RNF24: variants seen among roughly 807,000 people sequenced by gnomAD.
RNF24 encodes the protein ring finger protein 24.
In RNF24, 14 loss-of-function variants were observed where a neutral mutation model predicts 20.0. The ratio of observed to expected loss-of-function variants is 0.70; its 90% CI spans 0.46 to 1.10. The LOEUF is 1.10. Among genes scored for constraint, RNF24 ranks in the 50% least tolerant of loss-of-function variants. RNF24 has a pLI of 0.00. For synonymous variants in RNF24, 45 were observed against 61.1 expected, an observed-to-expected ratio of 0.74 and a Z score of 1.23; for missense variants, 124 against 177.6, an observed-to-expected ratio of 0.70 and a Z score of 1.71.
At chr20:3,937,522 T>C (rs1258091068) in intron 4 of RNF24, among the ~76,000 whole-genome samples, 1 of 152,156 alleles carries the variant, frequency 6.6e-6, no homozygotes, top group Non-Finnish European at 1.5e-5. Flanking sequence ...GCAGCCATCT[T>C]TACAATCTAA....
chr20:3,980,078 G>C (rs1407621818), intron 1 of RNF24, among the ~76,000 whole-genome samples: 1 of 152,124 alleles, frequency 6.6e-6, no homozygotes, highest in African/African-American at 2.4e-5. Context: ...TTCTTATGCA[G>C]AGATTTAAAA....
intron 1 of RNF24, among the ~76,000 whole-genome samples, chr20:3,994,009 C>T (rs911900656): frequency 1.3e-5 from 2 of 152,128 alleles, no homozygotes; most frequent in African/African-American, 4.8e-5. Context: ...ACCAGCTTTC[C>T]CACTAATATT....
At chr20:3,991,208 G>A (rs1980404769) in intron 1 of RNF24, among the ~76,000 whole-genome samples, 1 of 150,768 alleles carries the variant, frequency 6.6e-6, no homozygotes, top group Admixed American at 6.6e-5. Context: ...AAATGGAATT[G>A]GAAGAAGCTA....
At chr20:4,011,998 ATATAT>A (rs1982495271) in intron 1 of RNF24, among the ~76,000 whole-genome samples, 1 of 152,248 alleles carries the variant, frequency 6.6e-6, no homozygotes, top group South Asian at 2.1e-4. Context: ...TAACTATATA[ATATAT>A]AAGACTGCTG....
intron 1 of RNF24, among the ~76,000 whole-genome samples, chr20:3,967,973 C>CAAAA (rs58984163): frequency 2.3e-3 from 178 of 77,058 alleles, no homozygotes; most frequent in Middle Eastern, 0.01. Context: ...AGCCTGGCAA[C>CAAAA]AAAAAAAAAA....
In RNF24 at chr20:3,928,732, A is replaced by G. The variant is rs2090766956; in HGVS notation, c.*5331T>C. The G allele has an allele frequency of 8.7e-6, 1 of 114,848 alleles. No homozygotes were observed. The highest frequency in any genetic ancestry group is 3.1e-5 in the African/African-American group (1 of 31,886). The allele number at this position is 114,848 out of a possible 1,614,324, so 7.1% of individuals were successfully genotyped here. A position where few individuals can be genotyped will look rare whatever the true frequency, so the allele number is the denominator to read the frequency against. On this transcript the variant is annotated 3_prime_UTR_variant, in exon 6 of 6. Transcript: ENST00000358395. Reference sequence around the variant, plus strand: ...CACTGCATTCCAGCCTGGGTGACAGAGCGAGACTCCGTCTCAAAAAAAAAA... The same window carrying G: ...CACTGCATTCCAGCCTGGGTGACAGGGCGAGACTCCGTCTCAAAAAAAAAA...
At chr20:3,955,428 T>C (rs915376527) in intron 2 of RNF24, among the ~76,000 whole-genome samples, 1 of 152,236 alleles carries the variant, frequency 6.6e-6, no homozygotes, top group East Asian at 1.9e-4. Flanking sequence ...CTTATTTGCA[T>C]ATCAATTTGT....
At position 4,002,868 on chromosome 20, in the gene RNF24, T is replaced by C. The variant is rs562325290; in HGVS notation, c.-8+12569A>G. On this transcript the variant is annotated intron_variant, in intron 1 of 5. Transcript: ENST00000358395. Reference sequence around the variant, plus strand: ...GTCACGCTTTTATATAATTCTGGTGTTCTAAATGGATGGTGGTAGTGAATT... The same window carrying C: ...GTCACGCTTTTATATAATTCTGGTGCTCTAAATGGATGGTGGTAGTGAATT... Among the ~76,000 whole-genome samples, 7 of 152,322 alleles carry C rather than the reference T, an allele frequency of 4.6e-5. No individual in the cohort carries two copies. In the South Asian group the frequency reaches 1.4e-3, roughly 32 times the overall value.
chr20:3,964,555 T>C (rs1190783502), intron 1 of RNF24, among the ~76,000 whole-genome samples: 1 of 152,126 alleles, frequency 6.6e-6, no homozygotes, highest in Non-Finnish European at 1.5e-5. Context: ...AGGGTCTCAT[T>C]CTGTCACCCC....
chr20:4,008,738 G>A (rs1982191261), intron 1 of RNF24, among the ~76,000 whole-genome samples: 1 of 149,998 alleles, frequency 6.7e-6, no homozygotes, highest in Non-Finnish European at 1.5e-5. Flanking sequence ...AGTAAGATGG[G>A]GTTTCACCAT....
chr20:3,936,998 C>T (rs998876644), intron 4 of RNF24, among the ~76,000 whole-genome samples: 9 of 152,006 alleles, frequency 5.9e-5, no homozygotes, highest in Admixed American at 6.6e-5. Flanking sequence ...CAACCATACC[C>T]GGCTAATTTT....
At chr20:3,950,097 C>T (rs1005044694) in intron 2 of RNF24, among the ~76,000 whole-genome samples, 2 of 152,152 alleles carry the variant, frequency 1.3e-5, no homozygotes, top group African/African-American at 4.8e-5. Context: ...TTGAATATGT[C>T]GGTCTATTTC....
chr20:3,973,125 C>T (rs911579395), intron 1 of RNF24, among the ~76,000 whole-genome samples: 1 of 151,834 alleles, frequency 6.6e-6, no homozygotes, highest in African/African-American at 2.4e-5. Context: ...ATTGACTGAA[C>T]CCGGGAGGTG....
chr20:3,936,555 T>G (rs575332099), intron 4 of RNF24, among the ~76,000 whole-genome samples: 3 of 152,282 alleles, frequency 2.0e-5, no homozygotes, highest in African/African-American at 7.2e-5. Context: ...AAGCTGTGGG[T>G]AAAGGTAAAA....
chr20:3,977,693 G>C (rs992415233), intron 1 of RNF24, among the ~76,000 whole-genome samples: 1 of 151,790 alleles, frequency 6.6e-6, no homozygotes, highest in Non-Finnish European at 1.5e-5. Flanking sequence ...GTGAAACCCC[G>C]TGTCTACTAA....
intron 1 of RNF24, among the ~76,000 whole-genome samples, chr20:4,000,914 C>A (rs972425041): frequency 2.6e-5 from 4 of 152,202 alleles, no homozygotes; most frequent in Non-Finnish European, 5.9e-5. Context: ...ACACGCTTTT[C>A]TGTATATCAC....
chr20:4,011,698 G>A (rs1049273868), intron 1 of RNF24, among the ~76,000 whole-genome samples: 1 of 152,200 alleles, frequency 6.6e-6, no homozygotes, highest in Non-Finnish European at 1.5e-5. Flanking sequence ...TAATTCAGGA[G>A]CAACAAAAGT....
rs1037771921 is a variant in RNF24, at chr20:3,928,912, G to T, written c.*5151C>A. ...GTTGCCCAGGCTGGAGTGCAGTGGG[G>T]ATCTTGGCTCACTGCAACTTCTGTC... On this transcript the variant is annotated 3_prime_UTR_variant, in exon 6 of 6. Transcript: ENST00000358395. The T allele has an allele frequency of 6.6e-6, 1 of 151,738 alleles. No homozygotes were observed. Among genetic ancestry groups the T allele is most frequent in the African/African-American group, 2.4e-5 (1 of 41,352 alleles). The allele number at this position is 151,738 out of a possible 1,614,324, so 9.4% of individuals were successfully genotyped here.
At chr20:3,961,242 A>G (rs2091198350) in intron 2 of RNF24, among the ~76,000 whole-genome samples, 1 of 152,032 alleles carries the variant, frequency 6.6e-6, no homozygotes, top group African/African-American at 2.4e-5. Flanking sequence ...TCTCTACAAA[A>G]AATAAAAAAA....
Sources: allele counts gnomAD v4.1 joint callset (sites outside exome capture counted in the v4.1 genomes callset), GRCh38; gene constraint gnomAD v4.1.1; transcripts MANE v1.5; gene names NCBI Gene and HGNC (gene_info 2026-07-23, HGNC 2026-07-21).